R3HDM1: variants seen among roughly 807,000 people sequenced by gnomAD.
The protein encoded by R3HDM1 is R3H domain-containing protein 1.
Under a neutral mutation model 141.1 loss-of-function variants are expected in R3HDM1, and 46 were observed. The ratio of observed to expected loss-of-function variants is 0.33; its 90% CI spans 0.26 to 0.42. The LOEUF is 0.42. Ranked by LOEUF, R3HDM1 falls within the 10% of genes least tolerant of loss-of-function variation. R3HDM1 has a pLI of 1.00. For synonymous variants in R3HDM1, 435 were observed against 472.9 expected (o/e 0.92, Z 1.04); for missense variants, 1,184 against 1,368.3 (o/e 0.87, Z 2.12).
intron 1 of R3HDM1, chr2:135,536,460 G>T (rs1696142408): frequency 1.3e-6 from 1 of 788,246 alleles, no homozygotes; most frequent in African/African-American, 1.9e-5. Flanking sequence ...TTCATAAATA[G>T]TGGATTGCAC....
At chr2:135,607,995 C>G in intron 3 of R3HDM1, 2 of 972,752 alleles carry the variant, frequency 2.1e-6, no homozygotes, top group Non-Finnish European at 2.4e-6. Flanking sequence ...ATGCCATATT[C>G]ATTGTTTATT....
At chr2:135,710,308 T>C in intron 23 of R3HDM1, 77 bp downstream of exon 23, 1 of 1,423,866 alleles carries the variant, frequency 7.0e-7, no homozygotes, top group African/African-American at 1.4e-5. Flanking sequence ...GGCTTGAATT[T>C]GAAATCCCGT....
intron 1 of R3HDM1, among the ~76,000 whole-genome samples, chr2:135,542,114 C>T (rs933261541): frequency 1.4e-4 from 21 of 152,276 alleles, no homozygotes; most frequent in Admixed American, 1.3e-3. Flanking sequence ...AAAGTTTTGA[C>T]TGCAACTCAT....
intron 16 of R3HDM1, among the ~76,000 whole-genome samples, chr2:135,646,038 A>ACACATTCATTTT (rs2064358107): frequency 6.6e-6 from 1 of 152,206 alleles, no homozygotes; most frequent in Admixed American, 6.5e-5. Context: ...TTTAGAATTT[A>ACACATTCATTTT]CACATTCATT....
At chr2:135,586,519 A>G (rs776181047) in intron 1 of R3HDM1, 22 of 186,246 alleles carry the variant, frequency 1.2e-4, no homozygotes, top group African/African-American at 3.6e-4. Flanking sequence ...ATGTGACTCA[A>G]TTCTTTTGCT....
chr2:135,694,470 A>G (rs559640497), intron 21 of R3HDM1, among the ~76,000 whole-genome samples: 2 of 152,354 alleles, frequency 1.3e-5, no homozygotes, highest in Non-Finnish European at 2.9e-5. Context: ...TTTTTAGCCA[A>G]AATGGAGTAA....
At chr2:135,657,213 G>A (rs1254001116) in intron 18 of R3HDM1, among the ~76,000 whole-genome samples, 3 of 151,726 alleles carry the variant, frequency 2.0e-5, no homozygotes, top group Non-Finnish European at 4.4e-5. Context: ...AACCAGCCTG[G>A]CCAACATGGT....
chr2:135,699,045 A>AGATAGATAGATAGATAGATAGATT (rs202144929), intron 21 of R3HDM1, among the ~76,000 whole-genome samples: 10 of 129,826 alleles, frequency 7.7e-5, no homozygotes, highest in African/African-American at 6.6e-5. Context: ...ATAGATAGAT[A>AGATAGATAGATAGATAGATAGATT]AGATAGATAA....
In R3HDM1 at chr2:135,616,180, GA is replaced by G; in HGVS notation, c.205del (p.Arg69GlyfsTer8). 1 of 1,612,796 alleles carries G rather than the reference GA, an allele frequency of 6.2e-7. No individual in the cohort carries two copies. The highest frequency in any genetic ancestry group is 8.5e-7 in the Non-Finnish European group (1 of 1,178,918). Reference protein sequence around the residue: ...QRPLQSFGQTGKRSKSSSKLK... With the variant: ...QRPLQSFGQTXKRSKSSSKLK... Reference sequence around the variant, plus strand: ...CCATTGCAGTCATTTGGACAGACAGGAAAAAGGTCTAAGGTATAGTAAATAT... The same window carrying G: ...CCATTGCAGTCATTTGGACAGACAGGAAAAGGTCTAAGGTATAGTAAATAT... On this transcript the variant is annotated frameshift_variant, in exon 4 of 27. Transcript: ENST00000683871. LOFTEE classifies it high-confidence loss of function.
chr2:135,599,471 T>C (rs1205727836), intron 1 of R3HDM1, among the ~76,000 whole-genome samples: 1 of 152,238 alleles, frequency 6.6e-6, no homozygotes, highest in Non-Finnish European at 1.5e-5. Flanking sequence ...TTCCTAAGTA[T>C]CTTTCACTTA....
chr2:135,639,697 T>C (rs1253786091), intron 14 of R3HDM1, among the ~76,000 whole-genome samples: 2 of 152,236 alleles, frequency 1.3e-5, no homozygotes, highest in African/African-American at 2.4e-5. Flanking sequence ...TAACATTTCT[T>C]CTTTTCATTT....
At chr2:135,566,222 G>A (rs997611751) in intron 1 of R3HDM1, among the ~76,000 whole-genome samples, 8 of 152,212 alleles carry the variant, frequency 5.3e-5, no homozygotes, top group Non-Finnish European at 8.8e-5. Flanking sequence ...TACCTGCCCT[G>A]AGCTAGACAC....
At chr2:135,627,074 AGT>A (rs1281730815) in intron 7 of R3HDM1, among the ~76,000 whole-genome samples, 3 of 152,178 alleles carry the variant, frequency 2.0e-5, no homozygotes, top group African/African-American at 7.2e-5. Flanking sequence ...AGTTACTATT[AGT>A]GTCATTGTGG....
intron 1 of R3HDM1, among the ~76,000 whole-genome samples, chr2:135,541,650 G>A (rs1031853973): frequency 3.3e-5 from 5 of 152,126 alleles, no homozygotes; most frequent in African/African-American, 1.2e-4. Flanking sequence ...TTATATGGGT[G>A]TGATTTGTGG....
Position 135,651,785 on chromosome 2 carries a change from C to G in R3HDM1, c.1781C>G (p.Ala594Gly). Residue 594 changes from alanine to glycine, a missense_variant, in exon 18 of 27, where the codon GCT becomes GGT. Around this residue, in one of 5 missense-constraint regions of R3HDM1, gnomAD observed 563 missense variants for 562.0 expected, o/e 1.00. Transcript: ENST00000683871. ...SHMSLARQPS[A>G]DGSDPHAAMF... The stretch of plus-strand genomic sequence containing the variant: ...ATGAGTCTTGCTCGCCAGCCATCTG[C>G]TGATGGTTCTGACCCTCATGCCGCC... 1 of 1,614,022 alleles carries G rather than the reference C, an allele frequency of 6.2e-7. No homozygotes were observed. Among genetic ancestry groups the G allele is most frequent in the Non-Finnish European group, 8.5e-7 (1 of 1,179,938 alleles).
intron 1 of R3HDM1, among the ~76,000 whole-genome samples, chr2:135,578,737 G>A (rs771989021): frequency 1.3e-5 from 2 of 152,172 alleles, no homozygotes; most frequent in Non-Finnish European, 1.5e-5. Flanking sequence ...TAGTAAATGT[G>A]TTTCTCACAG....
chr2:135,562,945 G>A (rs1464264063), intron 1 of R3HDM1, among the ~76,000 whole-genome samples: 1 of 151,818 alleles, frequency 6.6e-6, no homozygotes, highest in Non-Finnish European at 1.5e-5. Flanking sequence ...TGATAACTAG[G>A]GCGACCACAT....
At chr2:135,647,328 A>G (rs1421129398) in intron 16 of R3HDM1, among the ~76,000 whole-genome samples, 1 of 152,144 alleles carries the variant, frequency 6.6e-6, no homozygotes, top group African/African-American at 2.4e-5. Context: ...AGTGCCATGT[A>G]TTTTACCAGG....
At position 135,594,301 on chromosome 2, in the gene R3HDM1, T is replaced by G. The variant is rs2105073648; in HGVS notation, c.-249-8199T>G. On this transcript the variant is annotated intron_variant, in intron 1 of 26. Transcript: ENST00000683871. ...TTGATTTGGCATTTTAAATTACGTTTCTTAAGCTACTATACCATACAGTGA... is the reference window on the plus strand; with the variant it reads ...TTGATTTGGCATTTTAAATTACGTTGCTTAAGCTACTATACCATACAGTGA... Among the ~76,000 whole-genome samples, 2 of 152,370 alleles carry G rather than the reference T, an allele frequency of 1.3e-5. 1 individual carries two copies. Among genetic ancestry groups the G allele is most frequent in the Admixed American group, 1.3e-4 (2 of 15,310 alleles).
Sources: gnomAD v4.1 joint callset for allele counts (sites outside exome capture counted in the v4.1 genomes callset) on GRCh38, gnomAD v4.1.1 for gene constraint, gnomAD v4.1.1 regional missense constraint, MANE v1.5 for transcripts, NCBI Gene and HGNC (gene_info 2026-07-23, HGNC 2026-07-21) for gene names.